SNX29: variants seen among roughly 807,000 people sequenced by gnomAD.
The protein encoded by SNX29 is sorting nexin 29.
SNX29 carries 78 observed loss-of-function variants against 102.1 expected under a neutral mutation model. That is an observed-to-expected ratio of 0.76 (90% CI 0.64 to 0.92). The LOEUF is 0.92. Ranked by LOEUF, SNX29 falls within the 40% of genes least tolerant of loss-of-function variation. SNX29 has a pLI of 0.00. For missense variants in SNX29, 1,280 were observed against 1,061.7 expected, an observed-to-expected ratio of 1.21 and a Z score of -2.86; for synonymous variants, 580 against 414.5, an observed-to-expected ratio of 1.40 and a Z score of -4.85.
intron 15 of SNX29, among the ~76,000 whole-genome samples, chr16:12,345,482 C>T (rs567723009): frequency 5.9e-5 from 9 of 152,328 alleles, no homozygotes; most frequent in Non-Finnish European, 8.8e-5. Context: ...CTCCACTCAC[C>T]GAACTCAGAT....
intron 10 of SNX29, among the ~76,000 whole-genome samples, chr16:12,073,581 C>T (rs938957426): frequency 3.9e-5 from 6 of 152,116 alleles, no homozygotes; most frequent in African/African-American, 1.4e-4. Context: ...GAGAGCTTTA[C>T]TTCCAACTAT....
intron 15 of SNX29, among the ~76,000 whole-genome samples, chr16:12,292,907 A>G (rs1411066351): frequency 6.6e-6 from 1 of 152,236 alleles, no homozygotes; most frequent in East Asian, 1.9e-4. Context: ...GTTCTTACAG[A>G]AGAATTTTTG....
intron 4 of SNX29, chr16:12,029,476 G>C (rs985499940): frequency 2.3e-6 from 1 of 444,156 alleles, no homozygotes; most frequent in Non-Finnish European, 4.5e-6. Context: ...AACCCAAGTA[G>C]CCAGTACAGA....
chr16:12,438,803 T>C (rs1385880962), intron 18 of SNX29, among the ~76,000 whole-genome samples: 1 of 152,072 alleles, frequency 6.6e-6, no homozygotes, highest in Non-Finnish European at 1.5e-5. Context: ...TAACCAGGTG[T>C]AGGGGTGGAA....
chr16:12,275,881 G>GTTTTTTTTTTTTTTTTT (rs34099498), intron 14 of SNX29, among the ~76,000 whole-genome samples: 1 of 104,132 alleles, frequency 9.6e-6, no homozygotes, highest in African/African-American at 3.7e-5. Context: ...CATTTTAATT[G>GTTTTTTTTTTTTTTTTT]TTTTTTTTTT....
intron 1 of SNX29, among the ~76,000 whole-genome samples, chr16:11,998,255 T>C (rs1198772811): frequency 1.3e-5 from 2 of 152,208 alleles, no homozygotes; most frequent in African/African-American, 4.8e-5. Flanking sequence ...GAATGTGCTC[T>C]GTGTCTGGTG....
At chr16:12,278,179 A>G (rs1485319034) in intron 15 of SNX29, 143 bp downstream of exon 15, 2 of 658,352 alleles carry the variant, frequency 3.0e-6, no homozygotes, top group Non-Finnish European at 2.6e-6. Flanking sequence ...GCAAGACCAA[A>G]TCAGTGTGCT....
At chr16:12,471,757 G>C (rs891089219) in intron 18 of SNX29, among the ~76,000 whole-genome samples, 4 of 152,226 alleles carry the variant, frequency 2.6e-5, no homozygotes, top group Non-Finnish European at 5.9e-5. Context: ...TCAATCTTAA[G>C]TTTATGGTTC....
At chr16:12,086,700 T>A (rs1596825449) in intron 11 of SNX29, 1 of 152,172 alleles carries the variant, frequency 6.6e-6, no homozygotes, top group African/African-American at 2.4e-5. Flanking sequence ...CGACATGACC[T>A]ACTATGCCTG....
intron 2 of SNX29, among the ~76,000 whole-genome samples, chr16:12,001,145 T>G (rs2056271843): frequency 1.3e-5 from 2 of 151,996 alleles, no homozygotes; most frequent in East Asian, 3.9e-4. Flanking sequence ...GGAGTCTAGC[T>G]CTGTCGCCCG....
chr16:12,546,531 T>TC (rs1231356831), intron 20 of SNX29: 1 of 152,120 alleles, frequency 6.6e-6, no homozygotes, highest in Admixed American at 6.6e-5. Flanking sequence ...TCCCAATGGG[T>TC]CCCTCCCATG....
chr16:12,383,088 G>A lies in SNX29; in HGVS notation c.1900-15358G>A, dbSNP rs150159331. 4.1e-3 allele frequency among the ~76,000 whole-genome samples: 622 copies of A among 152,256 alleles called. 6 individuals are homozygous for A. The highest frequency in any genetic ancestry group is 0.035 in the South Asian group (168 of 4,822). ...TTAAAAAATTTTTTAGAAGATACAA[G>A]TAATACATGAAGACATTCTCAATAT... On this transcript the variant is annotated intron_variant, in intron 16 of 20. Transcript: ENST00000566228.
At chr16:12,484,933 G>A (rs1367960008) in intron 19 of SNX29, among the ~76,000 whole-genome samples, 2 of 152,164 alleles carry the variant, frequency 1.3e-5, no homozygotes, top group African/African-American at 4.8e-5. Flanking sequence ...GTCTGTTTCT[G>A]TTCACTGCTC....
At chr16:11,982,438 T>G (rs944499636) in intron 1 of SNX29, among the ~76,000 whole-genome samples, 47 of 150,440 alleles carry the variant, frequency 3.1e-4, no homozygotes, top group African/African-American at 6.4e-4. Context: ...TTTTTTTTTT[T>G]TTTTGTTTTG....
At chr16:12,496,828 AT>A (rs1232206746) in intron 19 of SNX29, among the ~76,000 whole-genome samples, 2 of 151,774 alleles carry the variant, frequency 1.3e-5, no homozygotes, top group Non-Finnish European at 2.9e-5. Context: ...GGAGCAGGTG[AT>A]TTTTTTTCCT....
intron 19 of SNX29, among the ~76,000 whole-genome samples, chr16:12,481,381 C>CATATAT (rs139144117): frequency 6.8e-6 from 1 of 146,070 alleles, no homozygotes; most frequent in African/African-American, 2.6e-5. Context: ...GTCTTTTATA[C>CATATAT]ATATATATAT....
chr16:12,530,418 A>C (rs2076900060), intron 20 of SNX29, among the ~76,000 whole-genome samples: 1 of 152,194 alleles, frequency 6.6e-6, no homozygotes, highest in Admixed American at 6.5e-5. Context: ...ATGAGGAAGT[A>C]AACAGCACCC....
chr16:12,452,262 G>C (rs1244541498), intron 18 of SNX29, among the ~76,000 whole-genome samples: 2 of 132,964 alleles, frequency 1.5e-5, no homozygotes, highest in African/African-American at 3.0e-5. Context: ...GGCAATGCCT[G>C]AAAGCATTTT....
At chr16:12,344,086 T>C (rs966675401) in intron 15 of SNX29, among the ~76,000 whole-genome samples, 1 of 152,192 alleles carries the variant, frequency 6.6e-6, no homozygotes, top group Non-Finnish European at 1.5e-5. Context: ...TGGCTCTCAT[T>C]CACTCTCTTG....
Sources: allele counts gnomAD v4.1 joint callset (sites outside exome capture counted in the v4.1 genomes callset), GRCh38; gene constraint gnomAD v4.1.1; transcripts MANE v1.5; gene names NCBI Gene and HGNC (gene_info 2026-07-23, HGNC 2026-07-21).